The following SART1 variants were observed in gnomAD, a reference collection of about 807,000 sequenced individuals.
SART1 encodes U4/U6.U5 tri-snRNP-associated protein 1.
A neutral mutation model predicts 105.0 loss-of-function variants in SART1; 28 were observed. The ratio of observed to expected loss-of-function variants is 0.27; its 90% CI spans 0.20 to 0.37. SART1 has a LOEUF of 0.37. Ranked by LOEUF, SART1 falls within the 10% of genes least tolerant of loss-of-function variation. The pLI, the probability that SART1 is intolerant of heterozygous loss-of-function variation, is 1.00. For synonymous variants in SART1, 472 were observed against 462.9 expected, an observed-to-expected ratio of 1.02 and a Z score of -0.25; for missense variants, 894 against 1,106.5, an observed-to-expected ratio of 0.81 and a Z score of 2.72.
chr11:65,966,294 C>T (rs1229990306), intron 8 of SART1, 56 bp from the exon 9 acceptor site: 1 of 1,613,720 alleles, frequency 6.2e-7, no homozygotes, highest in East Asian at 2.2e-5. Context: ...GAGGTGGTGG[C>T]TCAGTGGCTT....
chr11:65,975,488 C>G (rs1185103740), intron 12 of SART1, among the ~76,000 whole-genome samples: 2 of 148,278 alleles, frequency 1.3e-5, no homozygotes, highest in Admixed American at 1.4e-4. Flanking sequence ...ATCTTGGCAG[C>G]CTTGATCTCC....
At position 65,961,786 on chromosome 11, in the gene SART1, G is replaced by A; in HGVS notation, c.6G>A (p.Gly2=). 1 of 1,535,842 alleles carries A rather than the reference G, an allele frequency of 6.5e-7. No homozygotes were observed. Among genetic ancestry groups the A allele is most frequent in the South Asian group, 1.2e-5 (1 of 81,690 alleles). ...CTCGGAGTGGACGTGCCACTATGGG[G>A]TCGTCCAAGAAGCATCGCGGAGAGA... M[G]SSKKHRGEKE... is the part of the protein sequence containing the mutation. The change falls in exon 1 of 20, where the codon GGG becomes GGA. Residue 2 remains glycine, a synonymous_variant. Coordinates refer to ENST00000312397, the MANE Select transcript of SART1 (RefSeq NM_005146.5).
At position 65,979,849 on chromosome 11, in the gene SART1, A is replaced by G. The variant is rs949926816; in HGVS notation, c.*819A>G. 5 of 152,368 alleles carry G rather than the reference A, an allele frequency of 3.3e-5. No individual in the cohort carries two copies. Among genetic ancestry groups the G allele is most frequent in the African/African-American group, 1.2e-4 (5 of 41,590 alleles). The allele number at this position is 152,368 out of a possible 1,614,324, so 9.4% of individuals were successfully genotyped here. A position where few individuals can be genotyped will look rare whatever the true frequency, so the allele number is the denominator to read the frequency against. ...AATAATCAGCTGGGCGCAGTGGCTC[A>G]TGCTTGTAATCACAGCACTTTAGGA... On this transcript the variant is annotated 3_prime_UTR_variant, in exon 20 of 20. Transcript: ENST00000312397.
chr11:65,965,370 C>A lies in SART1; in HGVS notation c.583C>A (p.Pro195Thr). 1.3e-6 allele frequency: 2 copies of A among 1,588,912 alleles called. No individual in the cohort carries two copies. Among genetic ancestry groups the A allele is most frequent in the Non-Finnish European group, 1.7e-6 (2 of 1,167,734 alleles). The change falls in exon 5 of 20, where the codon CCC (proline) becomes ACC (threonine). Residue 195 changes from proline to threonine, a missense_variant. Around this residue, in one of 2 missense-constraint regions of SART1, gnomAD observed 712 missense variants for 778.2 expected, o/e 0.91. Transcript: ENST00000312397. Reference protein sequence around the residue: ...GKIKTLGEDDPWLDDTAAWIE... With the variant: ...GKIKTLGEDDTWLDDTAAWIE... ...GATAAAGACCCTAGGAGAGGATGAC[C>A]CCTGGCTGGACGACACTGCAGCCTG... is the stretch of plus-strand genomic sequence containing the variant.
chr11:65,963,885 G>A lies in SART1; in HGVS notation c.314-189G>A, dbSNP rs141291031. On this transcript the variant is annotated intron_variant, in intron 1 of 19. Coordinates refer to ENST00000312397, the MANE Select transcript of SART1 (RefSeq NM_005146.5). The stretch of plus-strand genomic sequence containing the variant: ...AAAGGAAGGTGCACAGAAGAGGCAG[G>A]GCTCTGAGACTGGACTCGGGCAGAG... The A allele has an allele frequency of 2.3e-3, 1,428 of 613,804 alleles. 18 individuals are homozygous for A. Among genetic ancestry groups the A allele is most frequent in the African/African-American group, 0.023 (1,264 of 54,334 alleles). The allele number at this position is 613,804 out of a possible 1,614,324, so 38.0% of individuals were successfully genotyped here.
chr11:65,962,082 G>A lies in SART1; in HGVS notation c.302G>A (p.Gly101Asp). Residue 101 changes from glycine to aspartate, a missense_variant, in exon 1 of 20, where the codon GGC (glycine) becomes GAC (aspartate). By Grantham distance (94) the Gly-to-Asp change is moderately conservative (BLOSUM62 -1). This residue lies in a region of SART1 where 712 missense variants were observed against 778.2 expected (regional missense o/e 0.91). Transcript: ENST00000312397. Reference protein sequence around the residue: ...RRVKREKRDDGYEAAASSKTS... With the variant: ...RRVKREKRDDDYEAAASSKTS... ...GTGAAGCGGGAGAAGCGCGATGACG[G>A]CTACGAGGCCGGTGAGGAGGCGGGG... is the stretch of plus-strand genomic sequence containing the variant. 1 of 1,360,800 alleles carries A rather than the reference G, an allele frequency of 7.3e-7. No homozygotes were observed. Among genetic ancestry groups the A allele is most frequent in the Non-Finnish European group, 9.5e-7 (1 of 1,048,988 alleles). 84.3% of individuals were successfully genotyped at this position (1,360,800 alleles called of 1,614,324 possible). A position where few individuals can be genotyped will look rare whatever the true frequency, so the allele number is the denominator to read the frequency against.
intron 3 of SART1, 28 bp from the exon 4 acceptor site, chr11:65,965,064 T>C (rs1046324659): frequency 8.4e-6 from 13 of 1,552,754 alleles, no homozygotes; most frequent in African/African-American, 1.4e-5. Flanking sequence ...TGGGCGGGCA[T>C]AGCCTCACGT....
intron 3 of SART1, 106 bp downstream of exon 3, chr11:65,964,676 C>T (rs1855211477): frequency 2.6e-6 from 3 of 1,132,556 alleles, no homozygotes; most frequent in Non-Finnish European, 3.8e-6. Flanking sequence ...AGTGGTCTTA[C>T]ACATGCATAT....
intron 12 of SART1, among the ~76,000 whole-genome samples, chr11:65,969,405 C>G (rs867983279): frequency 6.6e-6 from 1 of 152,154 alleles, no homozygotes; most frequent in Non-Finnish European, 1.5e-5. Flanking sequence ...TTTCTAGCCC[C>G]GTGGATCTCA....
Position 65,977,765 on chromosome 11 carries a change from G to A in SART1, c.2038G>A (p.Ala680Thr), listed in dbSNP as rs1458915621. 1 of 1,614,052 alleles carries A rather than the reference G, an allele frequency of 6.2e-7. No homozygotes were observed. Among genetic ancestry groups the A allele is most frequent in the Non-Finnish European group, 8.5e-7 (1 of 1,180,022 alleles). ...AAGGCCTCCTCTGTCTCGGGCCAGG[G>A]CCATCGATGACAAGTACAGCCGGAG... is the stretch of plus-strand genomic sequence containing the variant. Reference protein sequence around the residue: ...SAVYCIEDKMAIDDKYSRREE... With the variant: ...SAVYCIEDKMTIDDKYSRREE... Residue 680 changes from alanine (A) to threonine (T), a missense_variant and splice_region_variant, in exon 17 of 20, where the codon GCC becomes ACC. This residue lies in a region of SART1 where 182 missense variants were observed against 328.3 expected (regional missense o/e 0.55). Coordinates refer to ENST00000312397, the MANE Select transcript of SART1 (RefSeq NM_005146.5).
rs781440821 is a variant in SART1 at position 65,977,531 on chromosome 11, G to A, written c.1946-32G>A. On this transcript the variant is annotated intron_variant, in intron 15 of 19. Coordinates refer to ENST00000312397, the MANE Select transcript of SART1 (RefSeq NM_005146.5). ...GGCCCTGGAGCTGTGGCTCTCGAGG[G>A]GTTGGGAGTCTCACAACCCCTCCAT... 6.9e-6 allele frequency: 11 copies of A among 1,590,980 alleles called. No homozygotes were observed. The East Asian group carries it at 2.0e-4, about 29-fold the overall frequency.
In SART1 at chr11:65,978,659, G is replaced by A. The variant is rs1279561747; in HGVS notation, c.2232G>A (p.Glu744=). 6.3e-7 allele frequency: 1 copy of A among 1,596,310 alleles called. No individual in the cohort carries two copies. The highest frequency in any genetic ancestry group is 1.1e-5 in the South Asian group (1 of 89,572). The change falls in exon 18 of 20, where the codon GAG becomes GAA. Residue 744 remains glutamate, a synonymous_variant. Coordinates refer to ENST00000312397, the MANE Select transcript of SART1 (RefSeq NM_005146.5). This position sits in a 1 kb window ranked among gnomAD's most constrained non-coding sequence, Gnocchi z 6.8. ...HGKGSGKMKT[E]RRMKKLDEEA... ...AGGGCTCAGGCAAGATGAAGACAGA[G>A]CGGCGGATGAAGAAGCTGGACGAGG...
In SART1 at chr11:65,976,269, C is replaced by T; in HGVS notation, c.1573-126C>T. The T allele has an allele frequency of 1.1e-6, 1 of 921,946 alleles. No individual in the cohort carries two copies. Among genetic ancestry groups the T allele is most frequent in the South Asian group, 1.8e-5 (1 of 54,410 alleles). 57.1% of individuals were successfully genotyped at this position (921,946 alleles called of 1,614,324 possible). A position where few individuals can be genotyped will look rare whatever the true frequency, so the allele number is the denominator to read the frequency against. On this transcript the variant is annotated intron_variant, in intron 12 of 19. Coordinates refer to ENST00000312397, the MANE Select transcript of SART1 (RefSeq NM_005146.5). The surrounding 1 kb of genome is among the most constrained non-coding windows in gnomAD (Gnocchi z 5.1). Reference sequence around the variant, plus strand: ...AGTGGAGTTAGGCGGCAGATAGCAGCTGGGCCTGCATGGGCTGTGGGCGTG... The same window carrying T: ...AGTGGAGTTAGGCGGCAGATAGCAGTTGGGCCTGCATGGGCTGTGGGCGTG...
intron 1 of SART1, among the ~76,000 whole-genome samples, chr11:65,962,523 G>T (rs1262412274): frequency 6.6e-6 from 1 of 152,232 alleles, no homozygotes; most frequent in East Asian, 1.9e-4. Flanking sequence ...GACGAATCGT[G>T]TAGGGCGCAT....
In SART1 at chr11:65,978,062, TGAGG is replaced by T. The variant is rs1030702674; in HGVS notation, c.2172+164_2172+167del. The T allele has an allele frequency of 1.4e-6, 1 of 713,578 alleles. No individual in the cohort carries two copies. Among genetic ancestry groups the T allele is most frequent in the Non-Finnish European group, 2.3e-6 (1 of 436,528 alleles). 44.2% of individuals were successfully genotyped at this position (713,578 alleles called of 1,614,324 possible). ...CGGATGGGGAGGGGGCCCTCAGGGCTGAGGAAGGCTGTGCCTCAGTTTGTCTCTA... is the reference window on the plus strand; with the variant it reads ...CGGATGGGGAGGGGGCCCTCAGGGCTAAGGCTGTGCCTCAGTTTGTCTCTA... On this transcript the variant is annotated intron_variant, in intron 17 of 19. Coordinates refer to ENST00000312397, the MANE Select transcript of SART1 (RefSeq NM_005146.5). The surrounding 1 kb of genome is among the most constrained non-coding windows in gnomAD (Gnocchi z 6.8).
At chr11:65,962,876 G>A (rs767961850) in intron 1 of SART1, among the ~76,000 whole-genome samples, 9 of 152,200 alleles carry the variant, frequency 5.9e-5, no homozygotes, top group Non-Finnish European at 1.3e-4. Flanking sequence ...ATGAGGGTGG[G>A]AAGAAGGAAT....
rs765256753 is a variant in SART1, at chr11:65,977,787, G to A, written c.2060G>A (p.Arg687Gln). 9.3e-6 allele frequency: 15 copies of A among 1,613,882 alleles called. No individual in the cohort carries two copies. In the East Asian group the frequency reaches 1.3e-4, roughly 14 times the overall value. ...AGGGCCATCGATGACAAGTACAGCC[G>A]GAGGGAGGAATACCGAGGCTTCACA... is the stretch of plus-strand genomic sequence containing the variant. ...DKMAIDDKYS[R>Q]REEYRGFTQD... Residue 687 changes from arginine to glutamine, a missense_variant, in exon 17 of 20, where the codon CGG (arginine) becomes CAG (glutamine). Physicochemically the swap from Arg to Gln is conservative, Grantham distance 43. This residue lies in a region of SART1 where 182 missense variants were observed against 328.3 expected (regional missense o/e 0.55). Coordinates refer to ENST00000312397, the MANE Select transcript of SART1 (RefSeq NM_005146.5).
In SART1 at chr11:65,978,020, G is replaced by A; in HGVS notation, c.2172+121G>A. The A allele has an allele frequency of 8.0e-6, 9 of 1,131,146 alleles. No homozygotes were observed. The highest frequency in any genetic ancestry group is 1.1e-5 in the Non-Finnish European group (9 of 803,238). 70.1% of individuals were successfully genotyped at this position (1,131,146 alleles called of 1,614,324 possible). A position where few individuals can be genotyped will look rare whatever the true frequency, so the allele number is the denominator to read the frequency against. ...CCTGGCTCCACCAGCCTCTGGCTGGGGGCCTGGTGAATGCCACGGATGGGG... is the reference window on the plus strand; with the variant it reads ...CCTGGCTCCACCAGCCTCTGGCTGGAGGCCTGGTGAATGCCACGGATGGGG... On this transcript the variant is annotated intron_variant, in intron 17 of 19. Transcript: ENST00000312397. The surrounding 1 kb of genome is among the most constrained non-coding windows in gnomAD (Gnocchi z 6.8).
chr11:65,973,344 G>A (rs1441602088), intron 12 of SART1, among the ~76,000 whole-genome samples: 1 of 151,930 alleles, frequency 6.6e-6, no homozygotes, highest in African/African-American at 2.4e-5. Flanking sequence ...CAACACAACA[G>A]GAAAATAGGC....
Sources: gnomAD v4.1 joint callset for allele counts (sites outside exome capture counted in the v4.1 genomes callset) on GRCh38, gnomAD v4.1.1 for gene constraint, gnomAD v4.1.1 regional missense constraint, Gnocchi (gnomAD v3.1) non-coding constraint, MANE v1.5 for transcripts, NCBI Gene and HGNC (gene_info 2026-07-23, HGNC 2026-07-21) for gene names.